The following CCDC188 variants were observed in gnomAD, a reference collection of about 807,000 sequenced individuals.
CCDC188 encodes the protein coiled-coil domain-containing protein 188.
Under a neutral mutation model 50.7 loss-of-function variants are expected in CCDC188, and 37 were observed. The observed-to-expected ratio is 0.73, with a 90% CI of 0.56 to 0.96. The LOEUF (loss-of-function observed/expected upper bound fraction) is 0.96, where lower values mean the gene tolerates loss of function less well. CCDC188 is among the 40% of genes least tolerant of loss of function. The pLI is 0.00. For missense variants in CCDC188, 453 were observed against 512.9 expected (o/e 0.88, Z 1.13); for synonymous variants, 208 against 228.0 (o/e 0.91, Z 0.79).
Position 20,148,775 on chromosome 22 carries a change from C to T in CCDC188, c.1048G>A (p.Gly350Ser), listed in dbSNP as rs2050562117. Residue 350 changes from glycine (G) to serine (S), a missense_variant, in exon 9 of 9, where the codon GGC becomes AGC. By Grantham distance (56) the Gly-to-Ser change is moderately conservative (BLOSUM62 0). Coordinates refer to ENST00000439765, the MANE Select transcript of CCDC188 (RefSeq NM_001365892.2). ...LWLLTLRLLL[G>S]ALLVWTAAYV... ...GCAGCGGTCCAGACCAGCAGGGCGCCCAGCAGCAGCCTCAGGGTCAGCAGC... is the reference window on the plus strand; with the variant it reads ...GCAGCGGTCCAGACCAGCAGGGCGCTCAGCAGCAGCCTCAGGGTCAGCAGC... 2.7e-6 allele frequency: 4 copies of T among 1,472,880 alleles called. No homozygotes were observed. The highest frequency in any genetic ancestry group is 3.6e-6 in the Non-Finnish European group (4 of 1,105,564). 91.2% of individuals were successfully genotyped at this position (1,472,880 alleles called of 1,614,324 possible). A position where few individuals can be genotyped will look rare whatever the true frequency, so the allele number is the denominator to read the frequency against.
At chr22:20,149,661 G>T (rs1203573879) in intron 4 of CCDC188, 21 bp from the exon 5 acceptor site, 4 of 1,548,938 alleles carry the variant, frequency 2.6e-6, no homozygotes, top group Non-Finnish European at 3.5e-6. Flanking sequence ...GTGGGGTCAC[G>T]CCTGAGGAGC....
Position 20,148,475 on chromosome 22 carries a change from C to T in CCDC188, c.*139G>A. 7.2e-7 allele frequency: 1 copy of T among 1,381,946 alleles called. No homozygotes were observed. Among genetic ancestry groups the T allele is most frequent in the Non-Finnish European group, 9.3e-7 (1 of 1,071,970 alleles). The allele number at this position is 1,381,946 out of a possible 1,614,324, so 85.6% of individuals were successfully genotyped here. Reference sequence around the variant, plus strand: ...CCACAGGCCCAGCCCTCAGGACAGACCCCACCTCCACCCTTCTCTGCAGCT... The same window carrying T: ...CCACAGGCCCAGCCCTCAGGACAGATCCCACCTCCACCCTTCTCTGCAGCT... On this transcript the variant is annotated 3_prime_UTR_variant, in exon 9 of 9. Coordinates refer to ENST00000439765, the MANE Select transcript of CCDC188 (RefSeq NM_001365892.2).
At position 20,148,666 on chromosome 22, in the gene CCDC188, G is replaced by A. The variant is rs1488096863; in HGVS notation, c.1157C>T (p.Ala386Val). Reference sequence around the variant, plus strand: ...GAGGCGCAGGAAGGGGTCCAGCAGGGCCCGGAGCTTCCAGACGGTGGCACG... The same window carrying A: ...GAGGCGCAGGAAGGGGTCCAGCAGGACCCGGAGCTTCCAGACGGTGGCACG... ...LSRATVWKLRALLDPFLRLKV... is the reference protein window; with the variant it reads ...LSRATVWKLRVLLDPFLRLKV... The change falls in exon 9 of 9, where the codon GCC becomes GTC. Residue 386 changes from alanine (A) to valine (V), a missense_variant. Physicochemically the swap from Ala to Val is moderately conservative, Grantham distance 64 (BLOSUM62 0). Transcript: ENST00000439765. 1 of 1,546,996 alleles carries A rather than the reference G, an allele frequency of 6.5e-7. No individual in the cohort carries two copies. Among genetic ancestry groups the A allele is most frequent in the Admixed American group, 2.0e-5 (1 of 50,692 alleles).
In CCDC188 at chr22:20,148,897, TG is replaced by T; in HGVS notation, c.999del (p.Lys334ArgfsTer10). 1 of 1,515,934 alleles carries T rather than the reference TG, an allele frequency of 6.6e-7. No homozygotes were observed. The highest frequency in any genetic ancestry group is 8.9e-7 in the Non-Finnish European group (1 of 1,129,364). 93.9% of individuals were successfully genotyped at this position (1,515,934 alleles called of 1,614,324 possible). A position where few individuals can be genotyped will look rare whatever the true frequency, so the allele number is the denominator to read the frequency against. On this transcript the variant is annotated frameshift_variant, in exon 8 of 9. Transcript: ENST00000439765. LOFTEE classifies it high-confidence loss of function. ...MSKGRPKLGS[S>X]KGLAGQLWLL... ...TACCAGAGCTGGCCTGCCAGGCCCT[TG>T]GAGCTTCCCAGCTTTGGCCTCCCTT...
chr22:20,149,088 T>C (rs771197963), intron 7 of CCDC188, 99 bp downstream of exon 7: 1 of 1,279,868 alleles, frequency 7.8e-7, no homozygotes, highest in Non-Finnish European at 1.1e-6. Flanking sequence ...CCCCCTGCCC[T>C]GGACCTGCCC....
Position 20,150,687 on chromosome 22 carries a change from C to G in CCDC188, c.300G>C (p.Gly100=). 1 of 1,549,812 alleles carries G rather than the reference C, an allele frequency of 6.5e-7. No homozygotes were observed. The highest frequency in any genetic ancestry group is 1.2e-5 in the South Asian group (1 of 84,032). ...EGPRQGDLEA[G]LGWGWPLHPG... ...GGTGCAGGGGCCAGCCCCACCCAAG[C>G]CCTGCCTCCAGGTCTCCTTGTCTCG... The change falls in exon 1 of 9, where the codon GGG becomes GGC. Residue 100 remains glycine, a synonymous_variant. Coordinates refer to ENST00000439765, the MANE Select transcript of CCDC188 (RefSeq NM_001365892.2).
At position 20,149,737 on chromosome 22, in the gene CCDC188, A is replaced by G. The variant is rs780133422; in HGVS notation, c.776T>C (p.Met259Thr). The G allele has an allele frequency of 2.0e-6, 3 of 1,530,686 alleles. No homozygotes were observed. Among genetic ancestry groups the G allele is most frequent in the Non-Finnish European group, 1.8e-6 (2 of 1,135,768 alleles). The allele number at this position is 1,530,686 out of a possible 1,614,324, so 94.8% of individuals were successfully genotyped here. A position where few individuals can be genotyped will look rare whatever the true frequency, so the allele number is the denominator to read the frequency against. The change falls in exon 4 of 9, where the codon ATG becomes ACG. Residue 259 changes from methionine to threonine, a missense_variant. Coordinates refer to ENST00000439765, the MANE Select transcript of CCDC188 (RefSeq NM_001365892.2). ...QIRLCFERKK[M>T]VITEVWDNVA... The stretch of plus-strand genomic sequence containing the variant: ...CCAGGCGGGCACCTCTGTGATGACC[A>G]TCTTCTTCCTCTCAAAGCACAGGCG...
chr22:20,148,773 G>T lies in CCDC188; in HGVS notation c.1050C>A (p.Gly350=), dbSNP rs1402315309. Residue 350 remains glycine (G), a synonymous_variant, in exon 9 of 9, where the codon GGC becomes GGA. Coordinates refer to ENST00000439765, the MANE Select transcript of CCDC188 (RefSeq NM_001365892.2). ...AGGCAGCGGTCCAGACCAGCAGGGCGCCCAGCAGCAGCCTCAGGGTCAGCA... is the reference window on the plus strand; with the variant it reads ...AGGCAGCGGTCCAGACCAGCAGGGCTCCCAGCAGCAGCCTCAGGGTCAGCA... The part of the protein sequence containing the change: ...LWLLTLRLLL[G]ALLVWTAAYV... 6.8e-6 allele frequency: 10 copies of T among 1,473,940 alleles called. No homozygotes were observed. Among genetic ancestry groups the T allele is most frequent in the African/African-American group, 4.3e-5 (3 of 69,996 alleles). The allele number at this position is 1,473,940 out of a possible 1,614,324, so 91.3% of individuals were successfully genotyped here.
At position 20,148,690 on chromosome 22, in the gene CCDC188, C is replaced by A; in HGVS notation, c.1133G>T (p.Arg378Leu). ...GGCCCGGAGCTTCCAGACGGTGGCA[C>A]GGCTCAGCAGGGGTGGCACCAGCCC... ...FEGLVPPLLS[R>L]ATVWKLRALL... The change falls in exon 9 of 9, where the codon CGT becomes CTT. Residue 378 changes from arginine to leucine, a missense_variant. Transcript: ENST00000439765. 1 of 1,544,274 alleles carries A rather than the reference C, an allele frequency of 6.5e-7. No individual in the cohort carries two copies. The highest frequency in any genetic ancestry group is 8.7e-7 in the Non-Finnish European group (1 of 1,144,150).
chr22:20,150,299 C>G (rs3887519), intron 1 of CCDC188, 49 bp from the exon 2 acceptor site: 435,344 of 1,032,712 alleles, frequency 0.42, 93,660 homozygotes, highest in East Asian at 0.6. Flanking sequence ...GCCGCTCCTG[C>G]GGCTGGGGCT....
Position 20,149,705 on chromosome 22 carries a change from C to A in CCDC188, c.789+19G>T, listed in dbSNP as rs1157169496. On this transcript the variant is annotated intron_variant, in intron 4 of 8. Transcript: ENST00000439765. ...CTGGGTGGGCCCCCAGCACCCCTCC[C>A]CCTCAGCCAGGCGGGCACCTCTGTG... 6.5e-7 allele frequency: 1 copy of A among 1,540,046 alleles called. No homozygotes were observed. The highest frequency in any genetic ancestry group is 8.8e-7 in the Non-Finnish European group (1 of 1,140,704).
In CCDC188 at chr22:20,148,442, A is replaced by T. The variant is rs571651217; in HGVS notation, c.*172T>A. The T allele has an allele frequency of 2.3e-6, 3 of 1,303,436 alleles. No homozygotes were observed. In the East Asian group the frequency reaches 9.3e-5, roughly 41 times the overall value. 80.7% of individuals were successfully genotyped at this position (1,303,436 alleles called of 1,614,324 possible). On this transcript the variant is annotated 3_prime_UTR_variant, in exon 9 of 9. Transcript: ENST00000439765. ...CACCGGCCACTTATGTCATGATTCT[A>T]TGTCCAGCCACAGGCCCAGCCCTCA...
Position 20,149,423 on chromosome 22 carries a change from CA to C in CCDC188, c.902del (p.Leu301ArgfsTer43), listed in dbSNP as rs2050577013. 2 of 1,550,162 alleles carry C rather than the reference CA, an allele frequency of 1.3e-6. No individual in the cohort carries two copies. Among genetic ancestry groups the C allele is most frequent in the Non-Finnish European group, 1.7e-6 (2 of 1,146,900 alleles). The stretch of plus-strand genomic sequence containing the variant: ...TGCCCCCGTGTTACCTGAGAATCTC[CA>C]GCTGGATGTCCTCCATCTGGTCCAG... ...GVLDQMEDIQ[L>X]EILRERAQCR... On this transcript the variant is annotated frameshift_variant, in exon 6 of 9. Transcript: ENST00000439765. LOFTEE classifies it high-confidence loss of function.
Position 20,150,589 on chromosome 22 carries a change from G to A in CCDC188, c.398C>T (p.Pro133Leu). The A allele has an allele frequency of 6.5e-7, 1 of 1,546,804 alleles. No individual in the cohort carries two copies. The highest frequency in any genetic ancestry group is 8.7e-7 in the Non-Finnish European group (1 of 1,144,658). Reference sequence around the variant, plus strand: ...CAGGGCCCCTCCCTCCCGTGACAGGGGTGGGCATGGGCAGGGTCTGGTCCC... The same window carrying A: ...CAGGGCCCCTCCCTCCCGTGACAGGAGTGGGCATGGGCAGGGTCTGGTCCC... The part of the protein sequence containing the change: ...GSGTRPCPCP[P>L]LSREGGALAS... The change falls in exon 1 of 9, where the codon CCC (proline) becomes CTC (leucine). Residue 133 changes from proline to leucine, a missense_variant. By Grantham distance (98) the Pro-to-Leu change is moderately conservative. Coordinates refer to ENST00000439765, the MANE Select transcript of CCDC188 (RefSeq NM_001365892.2).
At position 20,150,262 on chromosome 22, in the gene CCDC188, G is replaced by A. The variant is rs2050600352; in HGVS notation, c.520-12C>T. 2.0e-6 allele frequency: 3 copies of A among 1,532,828 alleles called. No individual in the cohort carries two copies. Among genetic ancestry groups the A allele is most frequent in the African/African-American group, 1.4e-5 (1 of 72,648 alleles). 95.0% of individuals were successfully genotyped at this position (1,532,828 alleles called of 1,614,324 possible). On this transcript the variant is annotated splice_polypyrimidine_tract_variant and intron_variant, in intron 1 of 8. Coordinates refer to ENST00000439765, the MANE Select transcript of CCDC188 (RefSeq NM_001365892.2). ...TGATTCTGCCTTTTCTGGGGTGGGGGGCAGAGAGAGGGGGCTGCCTGTCAT... is the reference window on the plus strand; with the variant it reads ...TGATTCTGCCTTTTCTGGGGTGGGGAGCAGAGAGAGGGGGCTGCCTGTCAT...
chr22:20,148,989 C>T (rs2050567203), intron 7 of CCDC188, 65 bp from the exon 8 acceptor site: 2 of 1,429,208 alleles, frequency 1.4e-6, no homozygotes, highest in African/African-American at 1.4e-5. Flanking sequence ...GGATCCCTGG[C>T]TTTGGGAAAC....
In CCDC188 at chr22:20,149,172, G is replaced by A. The variant is rs1367859781; in HGVS notation, c.972+15C>T. 36 of 1,463,304 alleles carry A rather than the reference G, an allele frequency of 2.5e-5. No homozygotes were observed. The Admixed American group carries it at 5.2e-4, about 21-fold the overall frequency. The allele number at this position is 1,463,304 out of a possible 1,614,324, so 90.6% of individuals were successfully genotyped here. A position where few individuals can be genotyped will look rare whatever the true frequency, so the allele number is the denominator to read the frequency against. On this transcript the variant is annotated intron_variant, in intron 7 of 8. Coordinates refer to ENST00000439765, the MANE Select transcript of CCDC188 (RefSeq NM_001365892.2). ...GGCTGGTCTCCAGACCCAGAGTGGG[G>A]CGTGGGGGGCTCACCGACATGCTTG...
chr22:20,150,596 A>G lies in CCDC188; in HGVS notation c.391T>C (p.Cys131Arg), dbSNP rs1232000271. 1.9e-6 allele frequency: 3 copies of G among 1,546,474 alleles called. No individual in the cohort carries two copies. Among genetic ancestry groups the G allele is most frequent in the Non-Finnish European group, 2.6e-6 (3 of 1,144,480 alleles). ...CCTCCCTCCCGTGACAGGGGTGGGC[A>G]TGGGCAGGGTCTGGTCCCTGAGCCA... ...SIGSGTRPCP[C>R]PPLSREGGAL... Residue 131 changes from cysteine (C) to arginine (R), a missense_variant, in exon 1 of 9, where the codon TGC becomes CGC. Cys to Arg is a radical substitution (Grantham distance 180, BLOSUM62 -3). Transcript: ENST00000439765.
At position 20,149,635 on chromosome 22, in the gene CCDC188, C is replaced by G; in HGVS notation, c.795G>C (p.Trp265Cys). Reference sequence around the variant, plus strand: ...CCATGTGCATCTCAGCCACGTTGTCCCACACCTAGGGGGAGGTGGGGTCAC... The same window carrying G: ...CCATGTGCATCTCAGCCACGTTGTCGCACACCTAGGGGGAGGTGGGGTCAC... ...ERKKMVITEV[W>C]DNVAEMHMAL... The change falls in exon 5 of 9, where the codon TGG becomes TGC. Residue 265 changes from tryptophan to cysteine, a missense_variant. Transcript: ENST00000439765. The G allele has an allele frequency of 6.5e-7, 1 of 1,550,108 alleles. No homozygotes were observed.
Sources: allele counts gnomAD v4.1 joint callset, GRCh38; gene constraint gnomAD v4.1.1; transcripts MANE v1.5; gene names NCBI Gene and HGNC (gene_info 2026-07-23, HGNC 2026-07-21).